MDGA2: variants seen among roughly 807,000 people sequenced by gnomAD.
MDGA2 encodes MAM domain-containing glycosylphosphatidylinositol anchor protein 2.
Under a neutral mutation model 117.8 loss-of-function variants are expected in MDGA2, and 40 were observed. The ratio of observed to expected loss-of-function variants is 0.34; its 90% confidence interval spans 0.26 to 0.44. The LOEUF is 0.44. Ranked by LOEUF, MDGA2 falls within the 20% of genes least tolerant of loss-of-function variation. The pLI, the probability that MDGA2 is intolerant of heterozygous loss-of-function variation, is 1.00. For synonymous variants in MDGA2, 452 were observed against 439.0 expected, an observed-to-expected ratio of 1.03 and a Z score of -0.37; for missense variants, 1,123 against 1,250.6, an observed-to-expected ratio of 0.90 and a Z score of 1.54.
intron 1 of MDGA2, among the ~76,000 whole-genome samples, chr14:47,607,087 T>C (rs986077723): frequency 3.3e-5 from 5 of 152,174 alleles, no homozygotes; most frequent in African/African-American, 1.2e-4. Context: ...AGAGTCAAAT[T>C]ACTTTGAAAG....
At chr14:47,544,587 T>C (rs1895421503) in intron 1 of MDGA2, among the ~76,000 whole-genome samples, 1 of 152,164 alleles carries the variant, frequency 6.6e-6, no homozygotes, top group South Asian at 2.1e-4. Context: ...TTAATGCTAT[T>C]GGTTGGTTTA....
chr14:47,522,987 T>C (rs1409782415), intron 1 of MDGA2, among the ~76,000 whole-genome samples: 1 of 152,126 alleles, frequency 6.6e-6, no homozygotes, highest in Non-Finnish European at 1.5e-5. Context: ...AATCACAAAA[T>C]AACCCACATT....
intron 7 of MDGA2, among the ~76,000 whole-genome samples, chr14:47,036,519 A>G (rs1417918707): frequency 6.6e-6 from 1 of 152,202 alleles, no homozygotes; most frequent in Non-Finnish European, 1.5e-5. Context: ...TTGTATATGA[A>G]TTCAAATGCA....
chr14:46,940,646 C>G (rs1884965463), intron 9 of MDGA2, among the ~76,000 whole-genome samples: 2 of 142,094 alleles, frequency 1.4e-5, no homozygotes, highest in African/African-American at 5.1e-5. Flanking sequence ...AAAAGTTGAA[C>G]TTAATAGTTC....
rs553057087 is a variant in MDGA2 at position 47,112,244 on chromosome 14, T to C, written c.926-15121A>G. 2.0e-5 allele frequency among the ~76,000 whole-genome samples: 3 copies of C among 152,220 alleles called. No homozygotes were observed. In the South Asian group the frequency reaches 6.2e-4, roughly 32 times the overall value. ...TTTGCTTATGCTTTTTTAAAAAATG[T>C]GTTATTTTATTTTAAGTTCTGGGAT... On this transcript the variant is annotated intron_variant, in intron 5 of 16. Coordinates refer to ENST00000399232, the MANE Select transcript of MDGA2 (RefSeq NM_001113498.3).
At chr14:47,450,119 T>C (rs1430897520) in intron 1 of MDGA2, among the ~76,000 whole-genome samples, 1 of 152,114 alleles carries the variant, frequency 6.6e-6, no homozygotes, top group African/African-American at 2.4e-5. Context: ...TTTTTCTTAA[T>C]ATCTATCTTC....
chr14:47,023,161 A>G (rs938301682), intron 8 of MDGA2, among the ~76,000 whole-genome samples: 1 of 149,668 alleles, frequency 6.7e-6, no homozygotes, highest in Non-Finnish European at 1.5e-5. Flanking sequence ...TTAGACAAGA[A>G]TTTTCCATCA....
chr14:47,300,769 G>A (rs1314476148), intron 2 of MDGA2, among the ~76,000 whole-genome samples: 1 of 151,950 alleles, frequency 6.6e-6, no homozygotes, highest in Non-Finnish European at 1.5e-5. Flanking sequence ...AAAGTGCTGA[G>A]GTTGTAAGCG....
Position 46,952,144 on chromosome 14 carries a change from T to G in MDGA2, c.2089+5230A>C, listed in dbSNP as rs1168667871. Among the ~76,000 whole-genome samples, 19 of 151,836 alleles carry G rather than the reference T, an allele frequency of 1.3e-4. No individual in the cohort carries two copies. In the Admixed American group the frequency reaches 1.3e-3, roughly 10 times the overall value. ...CAATAAAGGAAACTTAAATATATAATAAATGCAATTTAATCTTCTTAAAAT... is the reference window on the plus strand; with the variant it reads ...CAATAAAGGAAACTTAAATATATAAGAAATGCAATTTAATCTTCTTAAAAT... On this transcript the variant is annotated intron_variant, in intron 9 of 16. Coordinates refer to ENST00000399232, the MANE Select transcript of MDGA2 (RefSeq NM_001113498.3).
intron 1 of MDGA2, among the ~76,000 whole-genome samples, chr14:47,451,403 CTGGTATACTAAAA>C (rs1394152303): frequency 6.6e-6 from 1 of 151,864 alleles, no homozygotes; most frequent in East Asian, 1.9e-4. Flanking sequence ...ACATATATAC[CTGGTATACTAAAA>C]TGGACTCTGA....
chr14:47,055,636 C>T (rs954645772), intron 7 of MDGA2, among the ~76,000 whole-genome samples: 14 of 152,048 alleles, frequency 9.2e-5, no homozygotes, highest in African/African-American at 3.4e-4. Flanking sequence ...TGAGGTTTAG[C>T]TTTGTAATTA....
intron 2 of MDGA2, among the ~76,000 whole-genome samples, chr14:47,300,662 TA>T (rs1267403440): frequency 6.7e-6 from 1 of 149,808 alleles, no homozygotes; most frequent in Non-Finnish European, 1.5e-5. Flanking sequence ...GATAATTTTT[TA>T]ATTTTTTTTT....
At chr14:46,968,795 C>A (rs1886139175) in intron 8 of MDGA2, among the ~76,000 whole-genome samples, 1 of 150,914 alleles carries the variant, frequency 6.6e-6, no homozygotes, top group Non-Finnish European at 1.5e-5. Context: ...TGAGATCGTG[C>A]CACTGCACTC....
At chr14:47,016,078 T>C (rs1234262281) in intron 8 of MDGA2, among the ~76,000 whole-genome samples, 1 of 152,048 alleles carries the variant, frequency 6.6e-6, no homozygotes, top group Non-Finnish European at 1.5e-5. Context: ...TATTTAAAAA[T>C]TTTAAAACTT....
intron 8 of MDGA2, among the ~76,000 whole-genome samples, chr14:47,006,442 T>C (rs1887714203): frequency 2.0e-5 from 3 of 147,476 alleles, no homozygotes; most frequent in South Asian, 2.1e-4. Context: ...TATGTTTTAA[T>C]TATAATTATA....
At chr14:47,137,555 C>G (rs1188514047) in intron 4 of MDGA2, among the ~76,000 whole-genome samples, 1 of 152,124 alleles carries the variant, frequency 6.6e-6, no homozygotes, top group Non-Finnish European at 1.5e-5. Context: ...TCTGCACATA[C>G]CAGCTCCCCT....
chr14:46,977,306 G>C (rs779247501), intron 8 of MDGA2, among the ~76,000 whole-genome samples: 7 of 151,400 alleles, frequency 4.6e-5, no homozygotes, highest in Admixed American at 3.3e-4. Context: ...AGGATGATAT[G>C]AATGGGAGGG....
At chr14:46,902,079 C>T (rs1883307993) in intron 10 of MDGA2, among the ~76,000 whole-genome samples, 2 of 152,116 alleles carry the variant, frequency 1.3e-5, no homozygotes, top group South Asian at 4.1e-4. Context: ...TATTTGCCCT[C>T]ATTTTCCCCT....
Position 47,154,212 on chromosome 14 carries a change from G to A in MDGA2, c.596-9938C>T, listed in dbSNP as rs1246983379. On this transcript the variant is annotated intron_variant, in intron 3 of 16. Transcript: ENST00000399232. ...CCTAGGATAAAATAAAACATAAGGA[G>A]CATTAGGAAAATGCCCAATGTTTGA... is the stretch of plus-strand genomic sequence containing the variant. 2.6e-5 allele frequency among the ~76,000 whole-genome samples: 4 copies of A among 152,158 alleles called. No individual in the cohort carries two copies. The East Asian group carries it at 7.7e-4, about 29-fold the overall frequency.
Sources: allele counts gnomAD v4.1 joint callset (sites outside exome capture counted in the v4.1 genomes callset), GRCh38; gene constraint gnomAD v4.1.1; transcripts MANE v1.5; gene names NCBI Gene and HGNC (gene_info 2026-07-23, HGNC 2026-07-21).